OLA1: variants seen among roughly 807,000 people sequenced by gnomAD.
OLA1 encodes obg-like ATPase 1.
In OLA1, 14 loss-of-function variants were observed where a neutral mutation model predicts 48.4. That is an observed-to-expected ratio of 0.29 (90% CI 0.19 to 0.45). OLA1 has a LOEUF of 0.45. Among genes scored for constraint, OLA1 ranks in the 20% least tolerant of loss-of-function variants. The probability of loss-of-function intolerance (pLI) is 1.00; values close to 1 mark genes in which losing one functional copy is unlikely to be tolerated. For synonymous variants in OLA1, 127 were observed against 150.4 expected, an observed-to-expected ratio of 0.84 and a Z score of 1.14; for missense variants, 325 against 467.1, an observed-to-expected ratio of 0.70 and a Z score of 2.80.
At chr2:174,241,899 G>C (rs554292362) in intron 2 of OLA1, among the ~76,000 whole-genome samples, 39 of 152,350 alleles carry the variant, frequency 2.6e-4, no homozygotes, top group African/African-American at 8.9e-4. Context: ...GCCTCCCAAA[G>C]TGCTGGGATT....
rs774971306 is a variant in OLA1 at position 174,190,944 on chromosome 2, CAAAAAAAAAA to C, written c.373+32079_373+32088del. On this transcript the variant is annotated intron_variant, in intron 4 of 10. Transcript: ENST00000284719. ...TGGGCAACAGAGCAAGACTTCGTCT[CAAAAAAAAAA>C]AAAAAAAAAAAAAAAGGAAAGTAAC... Among the ~76,000 whole-genome samples the C allele has an allele frequency of 3.4e-3, 112 of 32,908 alleles. 1 individual carries two copies. Among genetic ancestry groups the C allele is most frequent in the African/African-American group, 0.011 (85 of 7,854 alleles). The allele number at this position is 32,908 out of a possible 152,430, so 21.6% of individuals were successfully genotyped here. A position where few individuals can be genotyped will look rare whatever the true frequency, so the allele number is the denominator to read the frequency against.
chr2:174,223,725 C>A (rs1688554623), intron 3 of OLA1, among the ~76,000 whole-genome samples: 1 of 130,624 alleles, frequency 7.7e-6, no homozygotes, highest in Non-Finnish European at 1.5e-5. Flanking sequence ...CAAACACAGG[C>A]TGTCTGGGTT....
intron 4 of OLA1, among the ~76,000 whole-genome samples, chr2:174,215,462 G>C (rs766148166): frequency 6.6e-6 from 1 of 152,012 alleles, no homozygotes. Context: ...CTTACACACA[G>C]ACTTTTTTTC....
intron 4 of OLA1, among the ~76,000 whole-genome samples, chr2:174,144,942 AAAAAAAAAAATATAT>A (rs1320172633): frequency 2.2e-4 from 17 of 75,814 alleles, no homozygotes; most frequent in African/African-American, 4.6e-4. Context: ...AAAAAAAAAA[AAAAAAAAAAATATAT>A]ATATATATAT....
intron 4 of OLA1, among the ~76,000 whole-genome samples, chr2:174,220,823 AT>A (rs1688483317): frequency 3.3e-5 from 5 of 152,224 alleles, no homozygotes; most frequent in Non-Finnish European, 7.3e-5. Flanking sequence ...ATAAATTAAA[AT>A]TCAGTGATAA....
chr2:174,179,086 A>C (rs1268151266), intron 4 of OLA1, among the ~76,000 whole-genome samples: 2 of 151,968 alleles, frequency 1.3e-5, no homozygotes, highest in Non-Finnish European at 2.9e-5. Context: ...TTAACCAAAG[A>C]TAATGCTTAA....
At chr2:174,106,737 T>C (rs1339139650) in intron 7 of OLA1, among the ~76,000 whole-genome samples, 3 of 152,172 alleles carry the variant, frequency 2.0e-5, no homozygotes, top group African/African-American at 7.2e-5. Flanking sequence ...ACAGGATTAT[T>C]GTTAAGCTAT....
At chr2:174,217,049 C>A (rs1688377395) in intron 4 of OLA1, among the ~76,000 whole-genome samples, 1 of 152,082 alleles carries the variant, frequency 6.6e-6, no homozygotes, top group Non-Finnish European at 1.5e-5. Flanking sequence ...GCTCCCCTAA[C>A]CCCAGTATGT....
intron 2 of OLA1, among the ~76,000 whole-genome samples, chr2:174,232,407 T>C (rs1377430500): frequency 2.6e-5 from 4 of 152,148 alleles, no homozygotes; most frequent in Admixed American, 6.5e-5. Context: ...ATCTATCTGA[T>C]AGATACACAA....
intron 4 of OLA1, among the ~76,000 whole-genome samples, chr2:174,221,181 T>C (rs564280328): frequency 6.6e-6 from 1 of 152,332 alleles, no homozygotes; most frequent in East Asian, 1.9e-4. Flanking sequence ...TCTACTTTAA[T>C]TGGATTTTCT....
intron 7 of OLA1, among the ~76,000 whole-genome samples, chr2:174,107,575 C>T (rs1158389202): frequency 1.3e-5 from 2 of 152,032 alleles, no homozygotes; most frequent in African/African-American, 2.4e-5. Flanking sequence ...AACATTTCCC[C>T]AAATTAATAG....
chr2:174,113,238 C>T (rs528085992), intron 7 of OLA1, among the ~76,000 whole-genome samples: 1 of 152,264 alleles, frequency 6.6e-6, no homozygotes, highest in South Asian at 2.1e-4. Context: ...AGCCACTGTG[C>T]CCAGTCAAAT....
chr2:174,099,319 C>A lies in OLA1; in HGVS notation c.729-17255G>T, dbSNP rs148620171. On this transcript the variant is annotated intron_variant, in intron 7 of 10. Transcript: ENST00000284719. ...TACAGGTGCGTGCCACCACGCCCAG[C>A]TAATTTTTGCATTTTTAGTAGACAC... Among the ~76,000 whole-genome samples the A allele has an allele frequency of 8.3e-3, 1,257 of 152,222 alleles. 19 individuals carry two copies. Among genetic ancestry groups the A allele is most frequent in the African/African-American group, 0.029 (1,194 of 41,520 alleles).
At position 174,209,385 on chromosome 2, in the gene OLA1, T is replaced by C. The variant is rs114991419; in HGVS notation, c.373+13648A>G. ...TTTATATACCATTCATCTGGCCACT[T>C]ATCACATGCTGTTTTTCATATCCCA... On this transcript the variant is annotated intron_variant, in intron 4 of 10. Coordinates refer to ENST00000284719, the MANE Select transcript of OLA1 (RefSeq NM_013341.5). Among the ~76,000 whole-genome samples, 1,258 of 152,314 alleles carry C rather than the reference T, an allele frequency of 8.3e-3. 13 individuals are homozygous for C. The highest frequency in any genetic ancestry group is 0.016 in the Admixed American group (239 of 15,292).
chr2:174,170,164 C>T (rs1023931896), intron 4 of OLA1, among the ~76,000 whole-genome samples: 15 of 151,964 alleles, frequency 9.9e-5, no homozygotes, highest in African/African-American at 2.9e-4. Context: ...ACCCGGGAGG[C>T]GGAACTTGCA....
intron 4 of OLA1, among the ~76,000 whole-genome samples, chr2:174,158,503 G>A (rs1166052721): frequency 6.6e-6 from 1 of 151,942 alleles, no homozygotes; most frequent in Non-Finnish European, 1.5e-5. Flanking sequence ...TATAAACTCA[G>A]ATACAGTCTT....
intron 4 of OLA1, chr2:174,218,004 C>CT (rs35622617): frequency 0.025 from 3,736 of 149,392 alleles, 149 homozygotes; most frequent in African/African-American, 0.085. Context: ...TATTCTCTTT[C>CT]TTTTTTTTTT....
At chr2:174,213,952 T>A (rs1688304980) in intron 4 of OLA1, among the ~76,000 whole-genome samples, 2 of 151,792 alleles carry the variant, frequency 1.3e-5, no homozygotes, top group South Asian at 4.1e-4. Context: ...ATTACCATAA[T>A]TTTTTTAAAT....
At chr2:174,100,882 G>T (rs1685379166) in intron 7 of OLA1, among the ~76,000 whole-genome samples, 1 of 152,096 alleles carries the variant, frequency 6.6e-6, no homozygotes, top group Admixed American at 6.6e-5. Context: ...TGAGGTGTAT[G>T]ATTTCCACAG....
Sources: gnomAD v4.1 joint callset for allele counts (sites outside exome capture counted in the v4.1 genomes callset) on GRCh38, gnomAD v4.1.1 for gene constraint, MANE v1.5 for transcripts, NCBI Gene and HGNC (gene_info 2026-07-23, HGNC 2026-07-21) for gene names.